The following RNLS variants were observed in gnomAD, a reference collection of about 807,000 sequenced individuals.
RNLS encodes renalase, FAD dependent amine oxidase, also known as renalase.
In RNLS, 39 loss-of-function variants were observed where a neutral mutation model predicts 39.8. That is an observed-to-expected ratio of 0.98 (90% confidence interval 0.76 to 1.28). RNLS has a LOEUF of 1.28. Ranked by LOEUF, RNLS falls within the 50% of genes most tolerant of loss-of-function variation. RNLS has a pLI of 0.00. For missense variants in RNLS, 410 were observed against 413.3 expected (o/e 0.99, Z 0.07); for synonymous variants, 147 against 150.7 (o/e 0.98, Z 0.18).
the RNLS span, among the ~76,000 whole-genome samples, chr10:88,238,093 G>A: frequency 2.6e-5 from 4 of 152,190 alleles, no homozygotes; most frequent in Non-Finnish European, 5.9e-5. Flanking sequence ...AAACCAGACT[G>A]TATTTCTCAT....
At chr10:88,480,434 T>C (rs1260543511) in intron 4 of RNLS, among the ~76,000 whole-genome samples, 1 of 152,278 alleles carries the variant, frequency 6.6e-6, no homozygotes, top group African/African-American at 2.4e-5. Flanking sequence ...ACTTTTCTTT[T>C]TTTTGAGACG....
intron 6 of RNLS, among the ~76,000 whole-genome samples, chr10:88,298,490 C>T (rs984470854): frequency 6.6e-6 from 1 of 152,062 alleles, no homozygotes; most frequent in African/African-American, 2.4e-5. Context: ...GTTTTTGATC[C>T]ATTTTGGGTG....
At chr10:88,279,368 G>A (rs774257611), downstream of RNLS, among the ~76,000 whole-genome samples, 7 of 151,964 alleles carry the variant, frequency 4.6e-5, no homozygotes, top group Non-Finnish European at 8.8e-5. Flanking sequence ...TTTTCTCTAC[G>A]CAGGACACAA....
chr10:88,403,529 G>A (rs915559408), intron 4 of RNLS, among the ~76,000 whole-genome samples: 10 of 152,004 alleles, frequency 6.6e-5, no homozygotes, highest in Admixed American at 5.9e-4. Context: ...GTCACATTGG[G>A]ATTATAGATA....
chr10:88,378,408 T>G (rs868572039), intron 4 of RNLS, among the ~76,000 whole-genome samples: 64 of 152,268 alleles, frequency 4.2e-4, no homozygotes, highest in Middle Eastern at 6.8e-3. Context: ...AGGCACGTCA[T>G]AGAAACCAGA....
chr10:88,317,269 C>T (rs1845831388), intron 5 of RNLS, among the ~76,000 whole-genome samples: 1 of 152,180 alleles, frequency 6.6e-6, no homozygotes, highest in Admixed American at 6.5e-5. Flanking sequence ...TCAGGCTTCA[C>T]TTTTTTCCAT....
chr10:88,477,951 T>C (rs1162707829), intron 4 of RNLS, among the ~76,000 whole-genome samples: 1 of 152,202 alleles, frequency 6.6e-6, no homozygotes, highest in South Asian at 2.1e-4. Context: ...AATGCAATCA[T>C]GCATGGAATC....
intron 4 of RNLS, among the ~76,000 whole-genome samples, chr10:88,477,014 CT>C (rs1394302233): frequency 2.0e-5 from 3 of 148,208 alleles, no homozygotes; most frequent in Non-Finnish European, 4.5e-5. Context: ...ATAGTGTGGC[CT>C]TTTTTTTTCA....
chr10:88,574,443 T>G (rs1004590462), intron 3 of RNLS, among the ~76,000 whole-genome samples: 2 of 152,206 alleles, frequency 1.3e-5, no homozygotes, highest in Admixed American at 6.5e-5. Context: ...TTCCTCTCTA[T>G]GATATTCTTC....
chr10:88,501,071 T>G (rs1365064550), intron 4 of RNLS, among the ~76,000 whole-genome samples: 1 of 151,922 alleles, frequency 6.6e-6, no homozygotes, highest in Non-Finnish European at 1.5e-5. Context: ...ACCTAATTCA[T>G]AAGTGCTTAA....
At chr10:88,378,548 C>A (rs1258504581) in intron 4 of RNLS, among the ~76,000 whole-genome samples, 1 of 152,164 alleles carries the variant, frequency 6.6e-6, no homozygotes, top group Non-Finnish European at 1.5e-5. Flanking sequence ...ATCTCACCTA[C>A]CTTGTTTGAC....
Position 88,524,978 on chromosome 10 carries a change from T to C in RNLS, c.526+47925A>G, listed in dbSNP as rs1181833019. 1.8e-4 allele frequency among the ~76,000 whole-genome samples: 24 copies of C among 132,022 alleles called. 1 individual carries two copies. Among genetic ancestry groups the C allele is most frequent in the African/African-American group, 6.3e-4 (23 of 36,464 alleles). The allele number at this position is 132,022 out of a possible 152,430, so 86.6% of individuals were successfully genotyped here. A position where few individuals can be genotyped will look rare whatever the true frequency, so the allele number is the denominator to read the frequency against. ...ACACATACATATATATATATATATA[T>C]ATATATATATATATATATATACACA... On this transcript the variant is annotated intron_variant, in intron 4 of 6. Coordinates refer to ENST00000331772, the MANE Select transcript of RNLS (RefSeq NM_001031709.3).
At chr10:88,299,121 T>C (rs1335609329) in intron 6 of RNLS, among the ~76,000 whole-genome samples, 5 of 152,208 alleles carry the variant, frequency 3.3e-5, no homozygotes, top group Non-Finnish European at 2.9e-5. Flanking sequence ...TTTTAAATTA[T>C]TGATTTGTGA....
the RNLS span, among the ~76,000 whole-genome samples, chr10:88,237,158 T>G: frequency 6.6e-6 from 1 of 152,188 alleles, no homozygotes. Context: ...ACTGGCATAT[T>G]TGTTACGTGA....
intron 4 of RNLS, among the ~76,000 whole-genome samples, chr10:88,522,320 G>A (rs1846802624): frequency 6.6e-6 from 1 of 152,032 alleles, no homozygotes; most frequent in South Asian, 2.1e-4. Context: ...ACAGAAATTT[G>A]AATATTGAAT....
At chr10:88,503,207 C>A (rs1055029529) in intron 4 of RNLS, among the ~76,000 whole-genome samples, 1 of 152,110 alleles carries the variant, frequency 6.6e-6, no homozygotes, top group Non-Finnish European at 1.5e-5. Context: ...ACAGTGAAAC[C>A]CTGTATCTAC....
In RNLS at chr10:88,285,444, T is replaced by C; in HGVS notation, c.939A>G (p.Ala313=). The change falls in exon 7 of 7, where the codon GCA becomes GCG. Residue 313 remains alanine (A), a synonymous_variant. Transcript: ENST00000331772. ...QMTLHHKPFL[A]CGGDGFTQSN... ...ACTGAGTAAATCCATCCCCTCCACATGCAAGGAAAGGTTTGTGATGCAGAG... is the reference window on the plus strand; with the variant it reads ...ACTGAGTAAATCCATCCCCTCCACACGCAAGGAAAGGTTTGTGATGCAGAG... The C allele has an allele frequency of 6.2e-7, 1 of 1,613,294 alleles. No homozygotes were observed. The highest frequency in any genetic ancestry group is 8.5e-7 in the Non-Finnish European group (1 of 1,179,522).
the RNLS span, among the ~76,000 whole-genome samples, chr10:88,263,943 A>T: frequency 6.6e-6 from 1 of 152,078 alleles, no homozygotes; most frequent in East Asian, 1.9e-4. Context: ...CACTGTACCC[A>T]ATGTGTAGCC....
chr10:88,399,441 T>C (rs936389053), intron 4 of RNLS, among the ~76,000 whole-genome samples: 7 of 152,050 alleles, frequency 4.6e-5, no homozygotes, highest in African/African-American at 1.7e-4. Context: ...TACAATGGAA[T>C]ATTATGCAGT....
Sources: gnomAD v4.1 joint callset for allele counts (sites outside exome capture counted in the v4.1 genomes callset) on GRCh38, gnomAD v4.1.1 for gene constraint, MANE v1.5 for transcripts, NCBI Gene and HGNC (gene_info 2026-07-23, HGNC 2026-07-21) for gene names.